MARK3: variants seen among roughly 807,000 people sequenced by gnomAD.
MARK3 encodes MAP/microtubule affinity-regulating kinase 3.
A neutral mutation model predicts 90.1 loss-of-function variants in MARK3; 46 were observed. That is an observed-to-expected ratio of 0.51 (90% CI 0.40 to 0.65). The LOEUF is 0.65. Among genes scored for constraint, MARK3 ranks in the 30% least tolerant of loss-of-function variants. MARK3 has a pLI of 0.00. For synonymous variants in MARK3, 321 were observed against 332.6 expected (o/e 0.97, Z 0.38); for missense variants, 818 against 947.2 (o/e 0.86, Z 1.79).
chr14:103,388,899 A>AT (rs918064236), intron 1 of MARK3, among the ~76,000 whole-genome samples: 32 of 151,884 alleles, frequency 2.1e-4, no homozygotes, highest in Non-Finnish European at 4.0e-4. Flanking sequence ...ATGTGCCACA[A>AT]TTTTTTTTAA....
At chr14:103,435,868 A>T (rs2092703620) in intron 3 of MARK3, among the ~76,000 whole-genome samples, 1 of 151,780 alleles carries the variant, frequency 6.6e-6, no homozygotes, top group African/African-American at 2.4e-5. Flanking sequence ...ATAGGCGCGC[A>T]CCACCACACC....
intron 17 of MARK3, among the ~76,000 whole-genome samples, chr14:103,502,241 C>T (rs139075883): frequency 6.6e-6 from 1 of 152,340 alleles, no homozygotes; most frequent in African/African-American, 2.4e-5. Context: ...AGAAGTGTCC[C>T]GTTGCATTTT....
intron 2 of MARK3, among the ~76,000 whole-genome samples, chr14:103,419,507 T>C (rs1183874947): frequency 1.3e-5 from 2 of 152,198 alleles, no homozygotes. Flanking sequence ...AAAGAGTGAA[T>C]TGTTTAAATT....
Position 103,444,215 on chromosome 14 carries a change from G to A in MARK3, c.298-4704G>A, listed in dbSNP as rs145612616. On this transcript the variant is annotated intron_variant, in intron 3 of 17. Coordinates refer to ENST00000429436, the MANE Select transcript of MARK3 (RefSeq NM_001128918.3). Reference sequence around the variant, plus strand: ...CCCCAGGTCTTGGCTATTGGGACATGTTTCTTTACTTCTCTGATACCGTAG... The same window carrying A: ...CCCCAGGTCTTGGCTATTGGGACATATTTCTTTACTTCTCTGATACCGTAG... Among the ~76,000 whole-genome samples, 509 of 147,988 alleles carry A rather than the reference G, an allele frequency of 3.4e-3. 2 individuals are homozygous for A. The highest frequency in any genetic ancestry group is 0.012 in the African/African-American group (486 of 39,996).
intron 5 of MARK3, among the ~76,000 whole-genome samples, chr14:103,453,180 A>G (rs190280397): frequency 3.0e-4 from 46 of 152,214 alleles, no homozygotes; most frequent in African/African-American, 1.0e-3. Context: ...TTTTATAATG[A>G]TTTGTATTTT....
intron 13 of MARK3, among the ~76,000 whole-genome samples, chr14:103,479,728 G>A (rs1323466056): frequency 1.4e-5 from 2 of 143,810 alleles, no homozygotes; most frequent in East Asian, 2.1e-4. Context: ...TACCTCCCAG[G>A]TTTAAGTGAT....
chr14:103,462,801 C>T (rs969268263), intron 7 of MARK3, among the ~76,000 whole-genome samples: 13 of 152,180 alleles, frequency 8.5e-5, no homozygotes, highest in African/African-American at 3.1e-4. Flanking sequence ...CATCAGTATT[C>T]TCTCCCGTTA....
chr14:103,493,343 C>G (rs990074305), intron 15 of MARK3, among the ~76,000 whole-genome samples: 2 of 150,512 alleles, frequency 1.3e-5, no homozygotes, highest in African/African-American at 4.9e-5. Flanking sequence ...CAACCTCCGC[C>G]TAGATTAGGG....
intron 6 of MARK3, among the ~76,000 whole-genome samples, chr14:103,459,040 A>G (rs985697769): frequency 1.3e-5 from 2 of 152,172 alleles, no homozygotes; most frequent in African/African-American, 4.8e-5. Context: ...GGAAATTCAG[A>G]TTTTTATTAG....
intron 3 of MARK3, among the ~76,000 whole-genome samples, chr14:103,442,952 T>C (rs2403173): frequency 0.3 from 40,526 of 137,094 alleles, 6,813 homozygotes; most frequent in Middle Eastern, 0.42. Context: ...TCCCCCCCCC[T>C]CCCACCGACA....
intron 1 of MARK3, among the ~76,000 whole-genome samples, chr14:103,394,519 G>A (rs1051599511): frequency 3.3e-5 from 5 of 152,138 alleles, no homozygotes; most frequent in Non-Finnish European, 5.9e-5. Flanking sequence ...GCTCAACTAT[G>A]GTTGGTCTTG....
intron 5 of MARK3, among the ~76,000 whole-genome samples, chr14:103,455,015 A>AG (rs2141389663): frequency 6.6e-6 from 1 of 152,014 alleles, no homozygotes; most frequent in East Asian, 1.9e-4. Flanking sequence ...TTAATAAGGA[A>AG]AAAAGATCTG....
chr14:103,421,643 C>G (rs1183779120), intron 2 of MARK3, among the ~76,000 whole-genome samples: 2 of 152,172 alleles, frequency 1.3e-5, no homozygotes, highest in African/African-American at 4.8e-5. Flanking sequence ...TTTTCCTTTT[C>G]CAAGCATATT....
At chr14:103,405,326 G>C in intron 2 of MARK3, 59 bp downstream of exon 2, 1 of 1,322,306 alleles carries the variant, frequency 7.6e-7, no homozygotes, top group South Asian at 1.5e-5. Flanking sequence ...TTCCATGTAA[G>C]AGAAAGAAAA....
intron 2 of MARK3, among the ~76,000 whole-genome samples, chr14:103,421,286 C>G (rs547395547): frequency 1.3e-4 from 20 of 152,290 alleles, no homozygotes; most frequent in Admixed American, 7.8e-4. Flanking sequence ...TGACCAGAGG[C>G]TTGCAGAAAC....
At chr14:103,401,058 A>T (rs967410093) in intron 1 of MARK3, among the ~76,000 whole-genome samples, 4 of 151,668 alleles carry the variant, frequency 2.6e-5, no homozygotes, top group African/African-American at 7.3e-5. Context: ...ACAAGAACTC[A>T]TAATTATTTG....
chr14:103,433,897 A>G (rs957482250), intron 3 of MARK3, among the ~76,000 whole-genome samples: 10 of 152,140 alleles, frequency 6.6e-5, no homozygotes, highest in Non-Finnish European at 1.0e-4. Flanking sequence ...TTTATTTAAC[A>G]ATTCTTCCCT....
At chr14:103,394,072 C>G (rs1264595292) in intron 1 of MARK3, among the ~76,000 whole-genome samples, 1 of 152,152 alleles carries the variant, frequency 6.6e-6, no homozygotes, top group Non-Finnish European at 1.5e-5. Flanking sequence ...AATTTTATGC[C>G]TGGAATTTTT....
chr14:103,491,076 A>G, intron 14 of MARK3: 10 of 1,283,956 alleles, frequency 7.8e-6, no homozygotes, highest in Non-Finnish European at 1.0e-5. Flanking sequence ...GTTACCTCCA[A>G]TAGACAGTGA....
Sources: gnomAD v4.1 joint callset for allele counts (sites outside exome capture counted in the v4.1 genomes callset) on GRCh38, gnomAD v4.1.1 for gene constraint, MANE v1.5 for transcripts, NCBI Gene and HGNC (gene_info 2026-07-23, HGNC 2026-07-21) for gene names.